KMO: variants seen among roughly 807,000 people sequenced by gnomAD.
KMO encodes kynurenine 3-hydroxylase.
A neutral mutation model predicts 57.8 loss-of-function variants in KMO; 24 were observed. The observed-to-expected ratio is 0.42, with a 90% CI of 0.30 to 0.58. KMO has a LOEUF of 0.58. Ranked by LOEUF, KMO falls within the 20% of genes least tolerant of loss-of-function variation. The probability of loss-of-function intolerance (pLI) is 0.22; values close to 1 mark genes in which losing one functional copy is unlikely to be tolerated. For missense variants in KMO, 483 were observed against 588.2 expected, an observed-to-expected ratio of 0.82 and a Z score of 1.85; for synonymous variants, 210 against 193.6, an observed-to-expected ratio of 1.08 and a Z score of -0.70.
Position 241,595,049 on chromosome 1 carries a change from A to G in KMO, c.*2896A>G, listed in dbSNP as rs1057348014. On this transcript the variant is annotated 3_prime_UTR_variant, in exon 15 of 15. Transcript: ENST00000366559. ...TCTACTAGGTGACAGCCACTGTGCT[A>G]TAATTAGAGACTTTTTACTATAAGC... The G allele has an allele frequency of 5.7e-6, 1 of 174,584 alleles. No individual in the cohort carries two copies. Among genetic ancestry groups the G allele is most frequent in the African/African-American group, 2.4e-5 (1 of 42,260 alleles). 10.8% of individuals were successfully genotyped at this position (174,584 alleles called of 1,614,324 possible).
At chr1:241,532,845 G>A (rs147795708) in intron 1 of KMO, among the ~76,000 whole-genome samples, 128 of 152,278 alleles carry the variant, frequency 8.4e-4, no homozygotes, top group Admixed American at 3.0e-3. Flanking sequence ...ACAGGAATTA[G>A]TCTCAATATT....
At chr1:241,572,667 T>G (rs957304667) in intron 10 of KMO, among the ~76,000 whole-genome samples, 1 of 152,082 alleles carries the variant, frequency 6.6e-6, no homozygotes, top group Non-Finnish European at 1.5e-5. Context: ...TTCAATAGCT[T>G]TTGGGGTACA....
Position 241,593,609 on chromosome 1 carries a change from G to C in KMO, c.*1456G>C, listed in dbSNP as rs764081454. 1 of 219,714 alleles carries C rather than the reference G, an allele frequency of 4.6e-6. No homozygotes were observed. The highest frequency in any genetic ancestry group is 9.9e-6 in the Non-Finnish European group (1 of 100,976). The allele number at this position is 219,714 out of a possible 1,614,324, so 13.6% of individuals were successfully genotyped here. A position where few individuals can be genotyped will look rare whatever the true frequency, so the allele number is the denominator to read the frequency against. On this transcript the variant is annotated 3_prime_UTR_variant, in exon 15 of 15. Coordinates refer to ENST00000366559, the MANE Select transcript of KMO (RefSeq NM_003679.5). ...CCTATAACAAAAGACAGATTGACAA[G>C]AGAAAAACAAACATAAATTTATTAG...
intron 7 of KMO, among the ~76,000 whole-genome samples, chr1:241,564,400 G>T (rs887213427): frequency 5.3e-5 from 8 of 151,956 alleles, no homozygotes; most frequent in African/African-American, 1.9e-4. Flanking sequence ...AATTACAGAG[G>T]ACCCACTAAA....
Position 241,555,529 on chromosome 1 carries a change from T to C in KMO, c.313-83T>C. The C allele has an allele frequency of 4.1e-6, 3 of 729,846 alleles. No homozygotes were observed. The South Asian group carries it at 5.2e-5, about 13-fold the overall frequency. 45.2% of individuals were successfully genotyped at this position (729,846 alleles called of 1,614,324 possible). ...GCAACCCTCTGCTAAATAATAAATA[T>C]GTTTTATTGCTGAGTGAATAACTTA... is the stretch of plus-strand genomic sequence containing the variant. On this transcript the variant is annotated intron_variant, in intron 4 of 14. Coordinates refer to ENST00000366559, the MANE Select transcript of KMO (RefSeq NM_003679.5).
At chr1:241,566,648 T>C (rs1174857326) in intron 9 of KMO, 36 bp downstream of exon 9, 9 of 1,609,894 alleles carry the variant, frequency 5.6e-6, no homozygotes, top group African/African-American at 5.3e-5. Flanking sequence ...TCCATTTGTT[T>C]TAATTATTCC....
At chr1:241,567,249 A>G (rs1156680632) in intron 9 of KMO, among the ~76,000 whole-genome samples, 2 of 152,254 alleles carry the variant, frequency 1.3e-5, no homozygotes, top group Non-Finnish European at 2.9e-5. Flanking sequence ...TGGCTTATAC[A>G]TGACAGAAAT....
chr1:241,594,403 C>G lies in KMO; in HGVS notation c.*2250C>G. 6.2e-7 allele frequency: 1 copy of G among 1,602,222 alleles called. No individual in the cohort carries two copies. Among genetic ancestry groups the G allele is most frequent in the Non-Finnish European group, 8.5e-7 (1 of 1,172,496 alleles). On this transcript the variant is annotated 3_prime_UTR_variant, in exon 15 of 15. Transcript: ENST00000366559. ...AAAAGTGGCATCCAATTTAAGGCCC[C>G]ATCTTTCGTTGCCATTCTTCATTCC... is the stretch of plus-strand genomic sequence containing the variant.
At chr1:241,555,859 C>G in intron 5 of KMO, 199 bp downstream of exon 5, 2 of 407,394 alleles carry the variant, frequency 4.9e-6, no homozygotes, top group Non-Finnish European at 8.8e-6. Flanking sequence ...AGGCTGAGGC[C>G]AGGATCGCTT....
intron 9 of KMO, among the ~76,000 whole-genome samples, chr1:241,567,062 G>C (rs1247090744): frequency 6.6e-6 from 1 of 152,184 alleles, no homozygotes; most frequent in Non-Finnish European, 1.5e-5. Context: ...CTATCCCAAA[G>C]GGTTGTCATG....
intron 10 of KMO, among the ~76,000 whole-genome samples, chr1:241,578,141 C>A (rs1662602155): frequency 6.6e-6 from 1 of 152,142 alleles, no homozygotes; most frequent in South Asian, 2.1e-4. Context: ...TGTCTATAGG[C>A]CACCCTTACC....
intron 2 of KMO, among the ~76,000 whole-genome samples, chr1:241,549,196 GA>G (rs374756393): frequency 7.2e-5 from 4 of 55,310 alleles, no homozygotes; most frequent in Non-Finnish European, 1.5e-4. Context: ...GAGAGAGAAA[GA>G]AAAGGAAGAA....
intron 4 of KMO, among the ~76,000 whole-genome samples, chr1:241,552,728 A>C (rs1183935940): frequency 6.6e-6 from 1 of 152,158 alleles, no homozygotes; most frequent in Non-Finnish European, 1.5e-5. Context: ...GATAATTTAG[A>C]AATCTCTAAT....
At chr1:241,549,469 T>TA (rs1373898569) in intron 2 of KMO, among the ~76,000 whole-genome samples, 3 of 152,092 alleles carry the variant, frequency 2.0e-5, no homozygotes, top group African/African-American at 7.2e-5. Flanking sequence ...ACGCTTTTCT[T>TA]AAAAAAACTA....
At chr1:241,588,637 T>TA (rs1663115994) in intron 11 of KMO, 111 bp from the exon 12 acceptor site, 1 of 670,014 alleles carries the variant, frequency 1.5e-6, no homozygotes, top group African/African-American at 1.8e-5. Flanking sequence ...ATTTATAGTT[T>TA]AAAAAAATTA....
chr1:241,548,863 G>A lies in KMO; in HGVS notation c.89G>A (p.Arg30Lys). The change falls in exon 2 of 15, where the codon AGG becomes AAG. Residue 30 changes from arginine to lysine, a missense_variant. Around this residue, in one of 3 missense-constraint regions of KMO, gnomAD observed 70 missense variants for 78.4 expected, o/e 0.89. Coordinates refer to ENST00000366559, the MANE Select transcript of KMO (RefSeq NM_003679.5). ...GSLQACFLAKRNFQIDVYEAR... is the reference protein window; with the variant it reads ...GSLQACFLAKKNFQIDVYEAR... ...TTACAAGCATGCTTTCTTGCAAAGA[G>A]GAATTTCCAGATTGATGTATATGAA... is the stretch of plus-strand genomic sequence containing the variant. 1 of 1,607,346 alleles carries A rather than the reference G, an allele frequency of 6.2e-7. No homozygotes were observed. Among genetic ancestry groups the A allele is most frequent in the Non-Finnish European group, 8.5e-7 (1 of 1,174,420 alleles).
chr1:241,539,879 T>C (rs1421710696), intron 1 of KMO, among the ~76,000 whole-genome samples: 4 of 152,134 alleles, frequency 2.6e-5, no homozygotes, highest in African/African-American at 4.8e-5. Flanking sequence ...ATTAGTGAGA[T>C]TTTATCAAAA....
intron 7 of KMO, among the ~76,000 whole-genome samples, 178 bp downstream of exon 7, chr1:241,562,510 A>C (rs570247951): frequency 6.6e-6 from 1 of 152,348 alleles, no homozygotes; most frequent in South Asian, 2.1e-4. Flanking sequence ...CACGATTCTC[A>C]GTCCTTCCTT....
chr1:241,588,891 C>T (rs1573942266), intron 12 of KMO, 61 bp downstream of exon 12: 4 of 1,276,628 alleles, frequency 3.1e-6, no homozygotes, highest in African/African-American at 1.5e-5. Context: ...AACAAGTGTT[C>T]TTTTCTTTTT....
Sources: allele counts gnomAD v4.1 joint callset (sites outside exome capture counted in the v4.1 genomes callset), GRCh38; gene constraint gnomAD v4.1.1; regional missense constraint gnomAD v4.1.1; transcripts MANE v1.5; gene names NCBI Gene and HGNC (gene_info 2026-07-23, HGNC 2026-07-21).